Variants in EIF4G2 observed in about 807,000 individuals in gnomAD.
EIF4G2 encodes eukaryotic translation initiation factor 4 gamma 2.
A neutral mutation model predicts 117.7 loss-of-function variants in EIF4G2; 8 were observed. The ratio of observed to expected loss-of-function variants is 0.07; its 90% confidence interval spans 0.04 to 0.12. EIF4G2 has a LOEUF of 0.12. Among genes scored for constraint, EIF4G2 ranks in the 10% least tolerant of loss-of-function variants. The probability of loss-of-function intolerance (pLI) is 1.00; values close to 1 mark genes in which losing one functional copy is unlikely to be tolerated. For missense variants in EIF4G2, 812 were observed against 1,086.2 expected (o/e 0.75, Z 3.55); for synonymous variants, 413 against 367.8 (o/e 1.12, Z -1.41).
chr11:10,801,232 C>T (rs1216738972), intron 14 of EIF4G2, 145 bp from the exon 15 acceptor site: 4 of 1,249,636 alleles, frequency 3.2e-6, no homozygotes, highest in Non-Finnish European at 4.3e-6. Context: ...TCCACATTAA[C>T]AGGTTTAATT....
intron 2 of EIF4G2, 56 bp downstream of exon 2, chr11:10,807,199 C>T: frequency 6.4e-7 from 1 of 1,570,038 alleles, no homozygotes; most frequent in South Asian, 1.2e-5. Context: ...GCTGTGTTAA[C>T]TACTTTTTGA....
rs1172288723 is a variant in EIF4G2 at position 10,806,894 on chromosome 11, A to G, written c.42-9T>C. ...CTCCGCCCGAAGAAGCACTATTTAA[A>G]AGAAAAAAATTGTTTACTGTATCCC... On this transcript the variant is annotated splice_polypyrimidine_tract_variant and intron_variant, in intron 2 of 21. Coordinates refer to ENST00000339995, the MANE Select transcript of EIF4G2 (RefSeq NM_001418.4). The G allele has an allele frequency of 4.3e-6, 7 of 1,613,800 alleles. No homozygotes were observed. Among genetic ancestry groups the G allele is most frequent in the South Asian group, 1.1e-5 (1 of 91,078 alleles).
Position 10,799,225 on chromosome 11 carries a change from T to C in EIF4G2, c.2524A>G (p.Asn842Asp), listed in dbSNP as rs1419044927. ...CAAGTCCTCTCACCTTTTGGGAAGTTGCTGTTATAGCAGTGCACCTGGAGA... is the reference window on the plus strand; with the variant it reads ...CAAGTCCTCTCACCTTTTGGGAAGTCGCTGTTATAGCAGTGCACCTGGAGA... Residue 842 changes from asparagine (N) to aspartate (D), a missense_variant, in exon 20 of 22, where the codon AAC becomes GAC. Around this residue, in one of 4 missense-constraint regions of EIF4G2, gnomAD observed 571 missense variants for 642.3 expected, o/e 0.89. Coordinates refer to ENST00000339995, the MANE Select transcript of EIF4G2 (RefSeq NM_001418.4). 1.2e-6 allele frequency: 2 copies of C among 1,614,080 alleles called. No homozygotes were observed. Among genetic ancestry groups the C allele is most frequent in the Non-Finnish European group, 8.5e-7 (1 of 1,180,006 alleles).
chr11:10,805,918 C>T lies in EIF4G2; in HGVS notation c.237G>A (p.Arg79=), dbSNP rs1847554199. Residue 79 remains arginine, a synonymous_variant, in exon 4 of 22, where the codon AGG becomes AGA. Coordinates refer to ENST00000339995, the MANE Select transcript of EIF4G2 (RefSeq NM_001418.4). ...ACCTTGAAACTTACCCTCTTACTTT[C>T]CTGAAGATTGCATCATGTCGTTCTT... The T allele has an allele frequency of 1.2e-6, 2 of 1,614,198 alleles. No individual in the cohort carries two copies. The highest frequency in any genetic ancestry group is 4.5e-5 in the East Asian group (2 of 44,880).
intron 5 of EIF4G2, 112 bp from the exon 6 acceptor site, chr11:10,804,530 C>A (rs1847506150): frequency 2.2e-6 from 3 of 1,349,914 alleles, no homozygotes; most frequent in Non-Finnish European, 3.0e-6. Flanking sequence ...CAAAAATGTC[C>A]AGTTATACAG....
chr11:10,807,504 C>G, intron 1 of EIF4G2, 123 bp from the exon 2 acceptor site: 1 of 1,332,430 alleles, frequency 7.5e-7, no homozygotes, highest in South Asian at 2.1e-5. Context: ...TAAGACTAAC[C>G]TAAAATGTAC....
At chr11:10,804,736 A>G (rs1418229845) in intron 5 of EIF4G2, 177 bp downstream of exon 5, 1 of 620,338 alleles carries the variant, frequency 1.6e-6, no homozygotes, top group African/African-American at 1.8e-5. Flanking sequence ...TTACCTCTTC[A>G]ATCTAATGCT....
intron 5 of EIF4G2, 24 bp downstream of exon 5, chr11:10,804,884 TTTGAG>T (rs1847520566): frequency 6.4e-7 from 1 of 1,570,850 alleles, no homozygotes; most frequent in Admixed American, 1.7e-5. Flanking sequence ...CCCTCTCCCT[TTTGAG>T]TTAAGCCAAT....
chr11:10,801,565 A>G, intron 14 of EIF4G2, 96 bp downstream of exon 14: 1 of 1,096,382 alleles, frequency 9.1e-7, no homozygotes, highest in Middle Eastern at 2.0e-4. Context: ...GAACTCCAGC[A>G]TAAAGTCCTC....
rs1047560012 is a variant in EIF4G2 at position 10,803,798 on chromosome 11, C to T, written c.702+101G>A. 1.4e-6 allele frequency: 2 copies of T among 1,415,942 alleles called. No homozygotes were observed. The highest frequency in any genetic ancestry group is 1.9e-6 in the Non-Finnish European group (2 of 1,040,872). 87.7% of individuals were successfully genotyped at this position (1,415,942 alleles called of 1,614,324 possible). A position where few individuals can be genotyped will look rare whatever the true frequency, so the allele number is the denominator to read the frequency against. ...TTATTCTGTTTAGTAAATTTTGTTG[C>T]ACATCTGTATTTAACTAGTCAACCT... On this transcript the variant is annotated intron_variant, in intron 8 of 21. Transcript: ENST00000339995. The surrounding 1 kb of genome is among the most constrained non-coding windows in gnomAD (Gnocchi z 4.0).
chr11:10,799,276 C>G lies in EIF4G2; in HGVS notation c.2473G>C (p.Asp825His), dbSNP rs1847351258. The change falls in exon 20 of 22, where the codon GAT (aspartate) becomes CAT (histidine). Residue 825 changes from aspartate to histidine, a missense_variant. Transcript: ENST00000339995. ...GCATACAGGGCACTGACTTGTAGATCAACGTGATCATGAAGAAATTTCTGC... is the reference window on the plus strand; with the variant it reads ...GCATACAGGGCACTGACTTGTAGATGAACGTGATCATGAAGAAATTTCTGC... 6.2e-7 allele frequency: 1 copy of G among 1,614,184 alleles called. No homozygotes were observed. The highest frequency in any genetic ancestry group is 8.5e-7 in the Non-Finnish European group (1 of 1,180,030).
intron 18 of EIF4G2, 149 bp downstream of exon 18, chr11:10,799,941 C>G (rs1847370404): frequency 1.7e-6 from 2 of 1,166,514 alleles, no homozygotes; most frequent in African/African-American, 3.1e-5. Flanking sequence ...AATTATAAAT[C>G]TCTCTTTATA....
At chr11:10,805,719 C>T (rs1159168267) in intron 4 of EIF4G2, among the ~76,000 whole-genome samples, 188 bp downstream of exon 4, 2 of 152,038 alleles carry the variant, frequency 1.3e-5, no homozygotes, top group African/African-American at 4.8e-5. Flanking sequence ...TCCCAAAGTG[C>T]TGGGATTACA....
chr11:10,808,077 A>G, intron 1 of EIF4G2: 1 of 1,049,176 alleles, frequency 9.5e-7, no homozygotes, highest in Non-Finnish European at 1.2e-6. Context: ...CCCGGCGCCC[A>G]GCTCTTTGTT....
intron 3 of EIF4G2, 27 bp from the exon 4 acceptor site, chr11:10,806,074 CTTA>C (rs766481767): frequency 1.9e-6 from 3 of 1,613,656 alleles, no homozygotes; most frequent in Non-Finnish European, 2.5e-6. Flanking sequence ...AGCAAAAACA[CTTA>C]TTGTCACACA....
At chr11:10,808,529 A>G in intron 1 of EIF4G2, 176 bp downstream of exon 1, 1 of 1,191,576 alleles carries the variant, frequency 8.4e-7, no homozygotes, top group Non-Finnish European at 1.1e-6. Context: ...AGCAACAGGA[A>G]GAGAGAACAA....
chr11:10,799,602 G>T lies in EIF4G2; in HGVS notation c.2274C>A (p.Ile758=). 1.2e-6 allele frequency: 2 copies of T among 1,614,114 alleles called. No homozygotes were observed. The highest frequency in any genetic ancestry group is 8.5e-7 in the Non-Finnish European group (1 of 1,180,008). ...CTTTATCTACATGAAGTTTGGGAGA[G>T]ATGTTATCTTTAATCCATTTATATA... The change falls in exon 19 of 22, where the codon ATC becomes ATA. Residue 758 remains isoleucine (I), a synonymous_variant. Transcript: ENST00000339995.
chr11:10,799,094 A>G lies in EIF4G2; in HGVS notation c.2556T>C (p.Phe852=), dbSNP rs1316813352. 8 of 1,588,572 alleles carry G rather than the reference A, an allele frequency of 5.0e-6. No homozygotes were observed. The highest frequency in any genetic ancestry group is 8.5e-7 in the Non-Finnish European group (1 of 1,173,930). The change falls in exon 21 of 22, where the codon TTT becomes TTC. Residue 852 remains phenylalanine (F), a synonymous_variant. Transcript: ENST00000339995. ...TAATTTCCATGTCATAGAAGTGCAC[A>G]AAAAAGCGAAGTAACATGCCTTAAA...
At chr11:10,802,261 A>G (rs1380314241) in intron 12 of EIF4G2, 33 bp downstream of exon 12, 1 of 1,611,170 alleles carries the variant, frequency 6.2e-7, no homozygotes, top group Non-Finnish European at 8.5e-7. Flanking sequence ...CTGATTTTTC[A>G]GCTTAACGCA....
Sources: allele counts gnomAD v4.1 joint callset (sites outside exome capture counted in the v4.1 genomes callset), GRCh38; gene constraint gnomAD v4.1.1; regional missense constraint gnomAD v4.1.1; non-coding constraint Gnocchi (gnomAD v3.1); transcripts MANE v1.5; gene names NCBI Gene and HGNC (gene_info 2026-07-23, HGNC 2026-07-21).